CCSER1: variants seen among roughly 807,000 people sequenced by gnomAD.
CCSER1 encodes the protein serine-rich coiled-coil domain-containing protein 1.
In CCSER1, 41 loss-of-function variants were observed where a neutral mutation model predicts 82.0. The observed-to-expected ratio is 0.50, with a 90% CI of 0.39 to 0.65. CCSER1 has a LOEUF of 0.65. Ranked by LOEUF, CCSER1 falls within the 30% of genes least tolerant of loss-of-function variation. The pLI is 0.00. For synonymous variants in CCSER1, 414 were observed against 383.9 expected (o/e 1.08, Z -0.92); for missense variants, 1,119 against 1,064.2 (o/e 1.05, Z -0.72).
intron 10 of CCSER1, among the ~76,000 whole-genome samples, chr4:91,277,776 C>T (rs1001213608): frequency 6.6e-6 from 1 of 151,584 alleles, no homozygotes; most frequent in African/African-American, 2.4e-5. Flanking sequence ...TGCATCATTG[C>T]ATGCTTAGAA....
At chr4:91,264,883 ATAT>A (rs904323527) in intron 10 of CCSER1, among the ~76,000 whole-genome samples, 3 of 152,058 alleles carry the variant, frequency 2.0e-5, no homozygotes, top group Admixed American at 6.5e-5. Flanking sequence ...TTTTATTAAA[ATAT>A]TATGAAGATA....
At chr4:91,126,287 A>G (rs982236397) in intron 10 of CCSER1, among the ~76,000 whole-genome samples, 1 of 151,868 alleles carries the variant, frequency 6.6e-6, no homozygotes, top group Admixed American at 6.6e-5. Context: ...AAATTAGTAA[A>G]TTTAGAAGAG....
chr4:90,553,850 A>T (rs1183447152), intron 5 of CCSER1, among the ~76,000 whole-genome samples: 3 of 152,226 alleles, frequency 2.0e-5, no homozygotes, highest in Non-Finnish European at 2.9e-5. Context: ...TCTCATGTGT[A>T]AAATGATTTC....
intron 10 of CCSER1, among the ~76,000 whole-genome samples, chr4:91,431,175 A>G (rs1383571517): frequency 6.6e-6 from 1 of 152,106 alleles, no homozygotes; most frequent in Non-Finnish European, 1.5e-5. Flanking sequence ...GGCGGAACTT[A>G]GAGTGAGCGG....
At chr4:90,307,668 GA>G (rs946527631) in intron 1 of CCSER1, among the ~76,000 whole-genome samples, 11 of 151,584 alleles carry the variant, frequency 7.3e-5, no homozygotes, top group African/African-American at 2.4e-4. Context: ...AAAAAGAGAA[GA>G]AAAAAAGTCT....
At chr4:91,228,880 G>C (rs796194486) in intron 10 of CCSER1, among the ~76,000 whole-genome samples, 26 of 152,232 alleles carry the variant, frequency 1.7e-4, no homozygotes, top group African/African-American at 5.8e-4. Context: ...GCTGGCCCCA[G>C]GATACTGATC....
intron 8 of CCSER1, among the ~76,000 whole-genome samples, chr4:90,888,527 C>G (rs1722488409): frequency 6.6e-6 from 1 of 150,592 alleles, no homozygotes; most frequent in Admixed American, 6.7e-5. Context: ...ATTTGATAAC[C>G]TCTGTTGCTT....
At chr4:91,155,096 C>T (rs1380331514) in intron 10 of CCSER1, among the ~76,000 whole-genome samples, 1 of 151,596 alleles carries the variant, frequency 6.6e-6, no homozygotes, top group African/African-American at 2.4e-5. Context: ...TTGGGCTTGT[C>T]ATAATGATTT....
intron 1 of CCSER1, chr4:90,235,092 A>AAATG (rs1394460475): frequency 6.6e-6 from 1 of 152,140 alleles, no homozygotes; most frequent in African/African-American, 2.4e-5. Flanking sequence ...ATAAGGAGTT[A>AAATG]AATGAACTCT....
chr4:91,383,121 G>GA (rs1048796645), intron 10 of CCSER1, among the ~76,000 whole-genome samples: 4 of 151,552 alleles, frequency 2.6e-5, no homozygotes, highest in Admixed American at 6.6e-5. Context: ...ACTGGAAAAC[G>GA]AAAAAAATTG....
At chr4:90,245,242 G>A (rs1721208395) in intron 1 of CCSER1, among the ~76,000 whole-genome samples, 1 of 152,110 alleles carries the variant, frequency 6.6e-6, no homozygotes, top group South Asian at 2.1e-4. Flanking sequence ...TGTTCACACA[G>A]TTTTTAAATT....
chr4:91,507,512 T>C (rs1759564350), intron 10 of CCSER1, among the ~76,000 whole-genome samples: 1 of 152,058 alleles, frequency 6.6e-6, no homozygotes, highest in Admixed American at 6.6e-5. Context: ...CACTGCAAGC[T>C]CTGCCTCTGG....
intron 9 of CCSER1, among the ~76,000 whole-genome samples, chr4:90,923,711 C>A (rs1235926269): frequency 6.6e-6 from 1 of 152,046 alleles, no homozygotes; most frequent in East Asian, 1.9e-4. Flanking sequence ...TATTTGCAGA[C>A]ATGTAGAAGA....
intron 10 of CCSER1, among the ~76,000 whole-genome samples, chr4:91,091,037 A>T (rs1025765301): frequency 1.3e-5 from 2 of 152,142 alleles, no homozygotes; most frequent in African/African-American, 4.8e-5. Context: ...AAGTAGCCCA[A>T]ATGACACATG....
chr4:91,548,297 T>C (rs1020989117), intron 10 of CCSER1, among the ~76,000 whole-genome samples: 1 of 152,168 alleles, frequency 6.6e-6, no homozygotes, highest in African/African-American at 2.4e-5. Flanking sequence ...CTCCAAACTG[T>C]CCCTTGTATC....
chr4:90,628,063 A>T lies in CCSER1; in HGVS notation c.1763A>T (p.Glu588Val), dbSNP rs1285028738. 6.2e-7 allele frequency: 1 copy of T among 1,613,586 alleles called. No individual in the cohort carries two copies. The highest frequency in any genetic ancestry group is 1.3e-5 in the African/African-American group (1 of 74,900). The change falls in exon 6 of 11, where the codon GAA (glutamate) becomes GTA (valine). Residue 588 changes from glutamate to valine, a missense_variant. Transcript: ENST00000509176. ...AAATTAACAAAGGACGTTGATCAAG[A>T]AGCCAGGTGTTCCCACATCAGCCGA... ...SLKLTKDVDQEARCSHISRMP... is the reference protein window; with the variant it reads ...SLKLTKDVDQVARCSHISRMP...
chr4:91,146,032 TCTCTC>T (rs1179371879), intron 10 of CCSER1, among the ~76,000 whole-genome samples: 1 of 152,182 alleles, frequency 6.6e-6, no homozygotes, highest in African/African-American at 2.4e-5. Context: ...GGCCTACTAC[TCTCTC>T]CTCTTCTCTC....
chr4:90,257,534 T>A (rs1427749615), intron 1 of CCSER1, among the ~76,000 whole-genome samples: 1 of 91,868 alleles, frequency 1.1e-5, no homozygotes, highest in Non-Finnish European at 2.7e-5. Context: ...AGGATACAGA[T>A]AGATAGATAG....
At chr4:91,084,427 A>G in intron 9 of CCSER1, among the ~76,000 whole-genome samples, 1 of 152,292 alleles carries the variant, frequency 6.6e-6, no homozygotes. Flanking sequence ...ATCATTTTTC[A>G]GTCACAAAAG....
Sources: allele counts gnomAD v4.1 joint callset (sites outside exome capture counted in the v4.1 genomes callset), GRCh38; gene constraint gnomAD v4.1.1; transcripts MANE v1.5; gene names NCBI Gene and HGNC (gene_info 2026-07-23, HGNC 2026-07-21).